The following FGF18 variants were observed in gnomAD, a reference collection of about 807,000 sequenced individuals.
FGF18 encodes fibroblast growth factor 18.
A neutral mutation model predicts 23.0 loss-of-function variants in FGF18; 5 were observed. That is an observed-to-expected ratio of 0.22 (90% CI 0.11 to 0.46). FGF18 has a LOEUF of 0.46. Ranked by LOEUF, FGF18 falls within the 20% of genes least tolerant of loss-of-function variation. The probability of loss-of-function intolerance (pLI) is 0.99; values close to 1 mark genes in which losing one functional copy is unlikely to be tolerated. For missense variants in FGF18, 180 were observed against 291.6 expected (o/e 0.62, Z 2.79); for synonymous variants, 117 against 118.9 (o/e 0.98, Z 0.10).
chr5:171,443,464 A>G (rs1307559645), intron 3 of FGF18, among the ~76,000 whole-genome samples: 1 of 138,336 alleles, frequency 7.2e-6, no homozygotes, highest in East Asian at 2.2e-4. Flanking sequence ...TGCTTGACAC[A>G]TGGTATATGC....
intron 2 of FGF18, among the ~76,000 whole-genome samples, chr5:171,426,061 C>A (rs1045396543): frequency 2.0e-5 from 3 of 152,052 alleles, no homozygotes; most frequent in African/African-American, 7.2e-5. Context: ...TGCTGTGTGA[C>A]CTCGGGCAAG....
At position 171,436,344 on chromosome 5, in the gene FGF18, G is replaced by T. The variant is rs563380007; in HGVS notation, c.250+71G>T. Reference sequence around the variant, plus strand: ...TCCTTCCTGGCCTCAGAGACCTCAAGTTCAAATGCCAGCCTTGCTGCTCCT... The same window carrying T: ...TCCTTCCTGGCCTCAGAGACCTCAATTTCAAATGCCAGCCTTGCTGCTCCT... On this transcript the variant is annotated intron_variant, in intron 3 of 4. Coordinates refer to ENST00000274625, the MANE Select transcript of FGF18 (RefSeq NM_003862.3). This position sits in a 1 kb window ranked among gnomAD's most constrained non-coding sequence, Gnocchi z 4.4. 6 of 1,245,220 alleles carry T rather than the reference G, an allele frequency of 4.8e-6. No homozygotes were observed. The Admixed American group carries it at 1.0e-4, about 22-fold the overall frequency. The allele number at this position is 1,245,220 out of a possible 1,614,324, so 77.1% of individuals were successfully genotyped here.
chr5:171,449,730 C>T (rs567652540), intron 4 of FGF18, among the ~76,000 whole-genome samples: 11 of 152,002 alleles, frequency 7.2e-5, no homozygotes, highest in Middle Eastern at 3.4e-3. Flanking sequence ...CTGGCCGCCT[C>T]GTCAGCGCTG....
At chr5:171,444,348 G>GT (rs1772388460) in intron 3 of FGF18, among the ~76,000 whole-genome samples, 1 of 152,330 alleles carries the variant, frequency 6.6e-6, no homozygotes, top group South Asian at 2.1e-4. Flanking sequence ...CTCCATCACT[G>GT]TGTGACTGTG....
rs1166529733 is a variant in FGF18 at position 171,440,093 on chromosome 5, A to T, written c.250+3820A>T. 1.3e-5 allele frequency among the ~76,000 whole-genome samples: 2 copies of T among 152,180 alleles called. No individual in the cohort carries two copies. The highest frequency in any genetic ancestry group is 2.9e-5 in the Non-Finnish European group (2 of 68,038). On this transcript the variant is annotated intron_variant, in intron 3 of 4. Transcript: ENST00000274625. The surrounding 1 kb of genome is among the most constrained non-coding windows in gnomAD (Gnocchi z 4.0). ...TTTCGAGTGGGAGACCGTGGATCTG[A>T]GTTAGCCTTTCTGATCCTGTTTCCT... is the stretch of plus-strand genomic sequence containing the variant.
chr5:171,455,111 G>A (rs957688885), intron 4 of FGF18, among the ~76,000 whole-genome samples: 1 of 152,144 alleles, frequency 6.6e-6, no homozygotes, highest in Non-Finnish European at 1.5e-5. Context: ...TTACAGAGTG[G>A]GACTGACTGG....
At position 171,451,221 on chromosome 5, in the gene FGF18, C is replaced by G. The variant is rs1434296113; in HGVS notation, c.357+1968C>G. On this transcript the variant is annotated intron_variant, in intron 4 of 4. Transcript: ENST00000274625. This position sits in a 1 kb window ranked among gnomAD's most constrained non-coding sequence, Gnocchi z 4.5. ...CTGGCGCAGCGGAGGGAGGCCCGGCCCCGGCCCCCGGCGCCTCCCCCGCTC... is the reference window on the plus strand; with the variant it reads ...CTGGCGCAGCGGAGGGAGGCCCGGCGCCGGCCCCCGGCGCCTCCCCCGCTC... 6.6e-6 allele frequency among the ~76,000 whole-genome samples: 1 copy of G among 152,102 alleles called. No individual in the cohort carries two copies. Among genetic ancestry groups the G allele is most frequent in the African/African-American group, 2.4e-5 (1 of 41,436 alleles).
rs1345043341 is a variant in FGF18 at position 171,436,705 on chromosome 5, T to C, written c.250+432T>C. 2.0e-5 allele frequency among the ~76,000 whole-genome samples: 3 copies of C among 152,138 alleles called. 1 individual carries two copies. The highest frequency in any genetic ancestry group is 2.1e-4 in the South Asian group (1 of 4,828). On this transcript the variant is annotated intron_variant, in intron 3 of 4. Transcript: ENST00000274625. This position sits in a 1 kb window ranked among gnomAD's most constrained non-coding sequence, Gnocchi z 4.4. ...TGTGTGTGTTATGTGCGCGTGTGCA[T>C]ATGGGTGCTTTGAGCTTGAGCCTGT...
chr5:171,432,197 A>G (rs1482305401), intron 2 of FGF18, among the ~76,000 whole-genome samples: 3 of 152,128 alleles, frequency 2.0e-5, no homozygotes, highest in Admixed American at 1.3e-4. Flanking sequence ...CCCCCCTTGC[A>G]GGGCACCGAG....
At chr5:171,426,350 C>G (rs1044483481) in intron 2 of FGF18, among the ~76,000 whole-genome samples, 2 of 152,178 alleles carry the variant, frequency 1.3e-5, no homozygotes, top group Admixed American at 6.5e-5. Flanking sequence ...AAGGGCTGCT[C>G]TGAGGAACCT....
At chr5:171,455,154 G>T (rs558361366) in intron 4 of FGF18, among the ~76,000 whole-genome samples, 199 of 152,308 alleles carry the variant, frequency 1.3e-3, no homozygotes, top group African/African-American at 4.6e-3. Context: ...GTTAGAGGTC[G>T]TTTGTTTTCT....
Position 171,420,504 on chromosome 5 carries a change from C to T in FGF18, c.69+61C>T. 5 of 1,511,284 alleles carry T rather than the reference C, an allele frequency of 3.3e-6. No individual in the cohort carries two copies. In the South Asian group the frequency reaches 5.6e-5, roughly 17 times the overall value. The allele number at this position is 1,511,284 out of a possible 1,614,324, so 93.6% of individuals were successfully genotyped here. On this transcript the variant is annotated intron_variant, in intron 2 of 4. Coordinates refer to ENST00000274625, the MANE Select transcript of FGF18 (RefSeq NM_003862.3). ...CTGCCTCGCGGTACACGCCGACCCC[C>T]CTTCCCCGGCCGCGCCCCCTCCCTG...
At chr5:171,448,433 G>A (rs1372429387) in intron 3 of FGF18, among the ~76,000 whole-genome samples, 2 of 152,198 alleles carry the variant, frequency 1.3e-5, no homozygotes, top group Non-Finnish European at 2.9e-5. Flanking sequence ...CACTAGCAGG[G>A]GCTCCAGATG....
chr5:171,444,771 A>G (rs972499026), intron 3 of FGF18, among the ~76,000 whole-genome samples: 1 of 152,086 alleles, frequency 6.6e-6, no homozygotes, highest in African/African-American at 2.4e-5. Context: ...CCTGAATTTC[A>G]TTTTCATTAG....
intron 4 of FGF18, among the ~76,000 whole-genome samples, chr5:171,449,896 A>G (rs1772473625): frequency 6.6e-6 from 1 of 152,086 alleles, no homozygotes; most frequent in South Asian, 2.1e-4. Flanking sequence ...TGAGTCTCCA[A>G]TGATGCTGCT....
chr5:171,441,503 T>C (rs996114348), intron 3 of FGF18, among the ~76,000 whole-genome samples: 2 of 152,164 alleles, frequency 1.3e-5, no homozygotes, highest in African/African-American at 4.8e-5. Context: ...CTGAGAATGC[T>C]CTTCTCCCAG....
chr5:171,428,719 C>T (rs1284200494), intron 2 of FGF18, among the ~76,000 whole-genome samples: 3 of 152,122 alleles, frequency 2.0e-5, no homozygotes, highest in Non-Finnish European at 4.4e-5. Context: ...GAATAAAGGG[C>T]TTGTTACCTC....
Position 171,434,809 on chromosome 5 carries a change from C to CTTT in FGF18, c.70-1270_70-1268dup, listed in dbSNP as rs35377470. On this transcript the variant is annotated intron_variant, in intron 2 of 4. Transcript: ENST00000274625. This position sits in a 1 kb window ranked among gnomAD's most constrained non-coding sequence, Gnocchi z 4.6. ...GAGACACTGCTCCAGCTTTCTCTCC[C>CTTT]TTTTTTTTTTTTTTTTGATGGTGCT... Among the ~76,000 whole-genome samples, 70 of 141,768 alleles carry CTTT rather than the reference C, an allele frequency of 4.9e-4. No homozygotes were observed. The highest frequency in any genetic ancestry group is 1.3e-3 in the Admixed American group (19 of 14,180). The allele number at this position is 141,768 out of a possible 152,430, so 93.0% of individuals were successfully genotyped here.
At chr5:171,431,880 C>G (rs1023131523) in intron 2 of FGF18, among the ~76,000 whole-genome samples, 5 of 152,024 alleles carry the variant, frequency 3.3e-5, no homozygotes, top group Non-Finnish European at 7.4e-5. Context: ...CCAACCCTGT[C>G]TCTACCAAAA....
Sources: gnomAD v4.1 joint callset for allele counts (sites outside exome capture counted in the v4.1 genomes callset) on GRCh38, gnomAD v4.1.1 for gene constraint, Gnocchi (gnomAD v3.1) non-coding constraint, MANE v1.5 for transcripts, NCBI Gene and HGNC (gene_info 2026-07-23, HGNC 2026-07-21) for gene names.